Variants in BNC2 observed in about 807,000 individuals in gnomAD.
BNC2 encodes zinc finger protein basonuclin-2.
A neutral mutation model predicts 76.3 loss-of-function variants in BNC2; 20 were observed. That is an observed-to-expected ratio of 0.26 (90% CI 0.18 to 0.38). The LOEUF (loss-of-function observed/expected upper bound fraction) is 0.38, where lower values mean the gene tolerates loss of function less well. Among genes scored for constraint, BNC2 ranks in the 10% least tolerant of loss-of-function variants. The pLI, the probability that BNC2 is intolerant of heterozygous loss-of-function variation, is 1.00. For missense variants in BNC2, 1,382 were observed against 1,399.8 expected (o/e 0.99, Z 0.20); for synonymous variants, 582 against 514.8 (o/e 1.13, Z -1.77).
chr9:16,657,649 C>T (rs150432437), intron 3 of BNC2, among the ~76,000 whole-genome samples: 17 of 152,166 alleles, frequency 1.1e-4, no homozygotes, highest in South Asian at 4.1e-4. Context: ...AGAGGCTTAT[C>T]GTGTATTAAT....
intron 3 of BNC2, among the ~76,000 whole-genome samples, chr9:16,709,422 T>C (rs1823770486): frequency 6.6e-6 from 1 of 152,178 alleles, no homozygotes; most frequent in African/African-American, 2.4e-5. Context: ...ACAACTGGAT[T>C]TTAATTAAAC....
intron 1 of BNC2, among the ~76,000 whole-genome samples, chr9:16,858,077 G>C (rs993548739): frequency 3.3e-5 from 5 of 152,114 alleles, no homozygotes; most frequent in African/African-American, 9.7e-5. Context: ...CAGTTATTTT[G>C]GGTTTGGAGA....
intron 4 of BNC2, among the ~76,000 whole-genome samples, chr9:16,558,220 G>C (rs16934806): frequency 0.088 from 13,341 of 152,226 alleles, 1,309 homozygotes; most frequent in African/African-American, 0.23. Context: ...AGCACCCTGA[G>C]CATAACAACT....
chr9:16,741,819 G>A (rs1824858719), intron 1 of BNC2, among the ~76,000 whole-genome samples: 2 of 151,708 alleles, frequency 1.3e-5, no homozygotes, highest in Non-Finnish European at 2.9e-5. Flanking sequence ...TCAGCCAGGT[G>A]TGGTGGTACA....
chr9:16,532,515 C>T (rs915185240), intron 5 of BNC2, among the ~76,000 whole-genome samples: 9 of 152,102 alleles, frequency 5.9e-5, no homozygotes, highest in Admixed American at 3.3e-4. Flanking sequence ...TGGTTTTGTG[C>T]AGTAGTGTGC....
At chr9:16,789,929 A>G (rs1469853426) in intron 1 of BNC2, among the ~76,000 whole-genome samples, 2 of 152,352 alleles carry the variant, frequency 1.3e-5, no homozygotes, top group East Asian at 3.9e-4. Flanking sequence ...ACTTGGCTCA[A>G]TAAATACAGG....
Position 16,436,617 on chromosome 9 carries a change from T to C in BNC2, c.1577A>G (p.Lys526Arg), listed in dbSNP as rs775403236. Reference protein sequence around the residue: ...GAATPVIASTKSNLALTSPGR... With the variant: ...GAATPVIASTRSNLALTSPGR... ...AGGGCTTGTGAGTGCCAGATTTGAT[T>C]TTGTACTTGCTATGACAGGGGTGGC... Residue 526 changes from lysine (K) to arginine (R), a missense_variant, in exon 6 of 7, where the codon AAA (lysine) becomes AGA (arginine). Around this residue, in one of 3 missense-constraint regions of BNC2, gnomAD observed 798 missense variants for 775.5 expected, o/e 1.03. Coordinates refer to ENST00000380672, the MANE Select transcript of BNC2 (RefSeq NM_017637.6). The C allele has an allele frequency of 6.2e-7, 1 of 1,613,978 alleles. No homozygotes were observed. Among genetic ancestry groups the C allele is most frequent in the Admixed American group, 1.7e-5 (1 of 60,002 alleles).
chr9:16,477,114 C>G (rs934890400), intron 5 of BNC2, among the ~76,000 whole-genome samples: 4 of 152,094 alleles, frequency 2.6e-5, no homozygotes, highest in Admixed American at 6.6e-5. Context: ...TGAAGAACAG[C>G]CAAAGTATCA....
At chr9:16,733,830 G>A (rs770702125) in intron 2 of BNC2, among the ~76,000 whole-genome samples, 6 of 151,606 alleles carry the variant, frequency 4.0e-5, no homozygotes, top group Non-Finnish European at 7.4e-5. Flanking sequence ...GTTGCAGTGA[G>A]CCGAGATCAC....
chr9:16,678,267 C>CTTTTTTTTT lies in BNC2; in HGVS notation c.330+49521_330+49529dup, dbSNP rs140809930. 5.0e-3 allele frequency among the ~76,000 whole-genome samples: 405 copies of CTTTTTTTTT among 80,776 alleles called. 11 individuals carry two copies. Among genetic ancestry groups the CTTTTTTTTT allele is most frequent in the African/African-American group, 0.01 (178 of 17,716 alleles). 53.0% of individuals were successfully genotyped at this position (80,776 alleles called of 152,430 possible). A position where few individuals can be genotyped will look rare whatever the true frequency, so the allele number is the denominator to read the frequency against. On this transcript the variant is annotated intron_variant, in intron 3 of 6. Transcript: ENST00000380672. The stretch of plus-strand genomic sequence containing the variant: ...ACTTGTAACTGTTTTCTTTCTTTTT[C>CTTTTTTTTT]TTTTTTTTTTTTTTTTTTTTTTTTT...
At chr9:16,537,765 A>T (rs894674757) in intron 5 of BNC2, among the ~76,000 whole-genome samples, 3 of 152,186 alleles carry the variant, frequency 2.0e-5, no homozygotes, top group Non-Finnish European at 2.9e-5. Flanking sequence ...TTAAACTATC[A>T]GACACTCCTT....
chr9:16,693,778 A>G (rs527789397), intron 3 of BNC2, among the ~76,000 whole-genome samples: 2 of 152,218 alleles, frequency 1.3e-5, no homozygotes, highest in Non-Finnish European at 2.9e-5. Context: ...AAAAAGCCAA[A>G]ATGAGCAAGC....
chr9:16,803,326 T>C (rs867793852), intron 1 of BNC2, among the ~76,000 whole-genome samples: 18 of 152,326 alleles, frequency 1.2e-4, no homozygotes, highest in Middle Eastern at 6.8e-3. Flanking sequence ...ACTTTAGTCA[T>C]GCTATATTTC....
At chr9:16,709,353 T>C (rs1011714101) in intron 3 of BNC2, among the ~76,000 whole-genome samples, 2 of 152,216 alleles carry the variant, frequency 1.3e-5, no homozygotes, top group Non-Finnish European at 2.9e-5. Context: ...ATCGTCAGAA[T>C]TTACTTTATG....
At chr9:16,714,228 C>T (rs1823934059) in intron 3 of BNC2, among the ~76,000 whole-genome samples, 1 of 152,208 alleles carries the variant, frequency 6.6e-6, no homozygotes, top group Non-Finnish European at 1.5e-5. Flanking sequence ...TTGAAATAGC[C>T]TAGCATATGT....
chr9:16,820,185 G>A (rs1818287671), intron 1 of BNC2, among the ~76,000 whole-genome samples: 1 of 150,546 alleles, frequency 6.6e-6, no homozygotes, highest in African/African-American at 2.5e-5. Flanking sequence ...CAGCACTTTG[G>A]GAGGCCGAGG....
intron 2 of BNC2, among the ~76,000 whole-genome samples, chr9:16,734,860 A>G (rs2135079074): frequency 6.6e-6 from 1 of 152,322 alleles, no homozygotes; most frequent in East Asian, 1.9e-4. Flanking sequence ...ACAGGGTCAA[A>G]TCACTTTAAA....
At chr9:16,844,493 C>CTTTTTT (rs67281132) in intron 1 of BNC2, among the ~76,000 whole-genome samples, 3 of 103,364 alleles carry the variant, frequency 2.9e-5, no homozygotes, top group African/African-American at 1.1e-4. Flanking sequence ...TTTTTCTTTT[C>CTTTTTT]TTTTTTTTTT....
intron 1 of BNC2, among the ~76,000 whole-genome samples, chr9:16,857,733 T>C (rs1819299904): frequency 6.6e-6 from 1 of 152,184 alleles, no homozygotes; most frequent in African/African-American, 2.4e-5. Context: ...CTAAAATAAC[T>C]GGCAAAAGGC....
Sources: gnomAD v4.1 joint callset for allele counts (sites outside exome capture counted in the v4.1 genomes callset) on GRCh38, gnomAD v4.1.1 for gene constraint, gnomAD v4.1.1 regional missense constraint, MANE v1.5 for transcripts, NCBI Gene and HGNC (gene_info 2026-07-23, HGNC 2026-07-21) for gene names.